Variants in SEC16B observed in about 807,000 individuals in gnomAD.
The protein encoded by SEC16B is protein transport protein Sec16B.
A neutral mutation model predicts 141.8 loss-of-function variants in SEC16B; 115 were observed. The ratio of observed to expected loss-of-function variants is 0.81; its 90% CI spans 0.70 to 0.95. The LOEUF is 0.95. Among genes scored for constraint, SEC16B ranks in the 40% least tolerant of loss-of-function variants. SEC16B has a pLI of 0.00. For synonymous variants in SEC16B, 493 were observed against 492.5 expected, an observed-to-expected ratio of 1.00 and a Z score of -0.01; for missense variants, 1,291 against 1,312.3, an observed-to-expected ratio of 0.98 and a Z score of 0.25.
chr1:177,930,223 G>A lies in SEC16B; in HGVS notation c.3112-294C>T, dbSNP rs1650313212. On this transcript the variant is annotated intron_variant, in intron 25 of 25. Coordinates refer to ENST00000308284, the MANE Select transcript of SEC16B (RefSeq NM_033127.4). Reference sequence around the variant, plus strand: ...TTTCCAATGATCCCTTCATCCCCAGGACAGAGTGACACTGCACCCACACTA... The same window carrying A: ...TTTCCAATGATCCCTTCATCCCCAGAACAGAGTGACACTGCACCCACACTA... 1.3e-5 allele frequency among the ~76,000 whole-genome samples: 2 copies of A among 152,116 alleles called. 1 individual carries two copies. Among genetic ancestry groups the A allele is most frequent in the South Asian group, 4.2e-4 (2 of 4,818 alleles).
chr1:177,942,997 A>G (rs1183204511), intron 15 of SEC16B, among the ~76,000 whole-genome samples: 3 of 152,218 alleles, frequency 2.0e-5, no homozygotes, highest in Non-Finnish European at 4.4e-5. Context: ...ATGAGGGCCG[A>G]TAGCATGTTA....
intron 15 of SEC16B, among the ~76,000 whole-genome samples, chr1:177,943,552 G>A (rs1056859275): frequency 4.6e-5 from 7 of 152,156 alleles, no homozygotes; most frequent in African/African-American, 9.7e-5. Flanking sequence ...GTGTACCCTC[G>A]ACACCAAGCA....
At chr1:177,964,744 CA>C (rs1398229270) in intron 4 of SEC16B, among the ~76,000 whole-genome samples, 7 of 152,196 alleles carry the variant, frequency 4.6e-5, no homozygotes, top group Non-Finnish European at 4.4e-5. Context: ...TTTGCTAGGC[CA>C]TATCTGTTCT....
intron 20 of SEC16B, 50 bp from the exon 21 acceptor site, chr1:177,933,686 A>G (rs762994558): frequency 1.3e-6 from 2 of 1,598,534 alleles, no homozygotes; most frequent in African/African-American, 2.7e-5. Context: ...ACAGGTTACC[A>G]AACACATTTG....
At chr1:177,932,457 G>C (rs1219620295) in intron 24 of SEC16B, 33 bp downstream of exon 24, 1 of 1,461,030 alleles carries the variant, frequency 6.8e-7, no homozygotes, top group Admixed American at 2.5e-5. Flanking sequence ...CATCTGCTGG[G>C]GTCCGAGGCT....
chr1:177,949,731 G>T (rs770793244), intron 12 of SEC16B, among the ~76,000 whole-genome samples: 1 of 152,124 alleles, frequency 6.6e-6, no homozygotes, highest in Non-Finnish European at 1.5e-5. Flanking sequence ...GATGTACATA[G>T]AGTCCAGGTT....
At chr1:177,962,363 C>T (rs1434659377) in intron 5 of SEC16B, among the ~76,000 whole-genome samples, 1 of 151,864 alleles carries the variant, frequency 6.6e-6, no homozygotes, top group Non-Finnish European at 1.5e-5. Flanking sequence ...AGCCACCATG[C>T]CTGGCCCTCC....
chr1:177,932,152 A>C (rs1259551096), intron 24 of SEC16B, among the ~76,000 whole-genome samples: 1 of 152,216 alleles, frequency 6.6e-6, no homozygotes, highest in Non-Finnish European at 1.5e-5. Context: ...TGTCCCTATA[A>C]GAGGAAGAAA....
chr1:177,977,566 T>C (rs894535963), intron 1 of SEC16B, among the ~76,000 whole-genome samples: 1 of 152,196 alleles, frequency 6.6e-6, no homozygotes, highest in African/African-American at 2.4e-5. Flanking sequence ...ACCCAGTATT[T>C]TAGAGTCCAG....
Position 177,933,307 on chromosome 1 carries a change from T to C in SEC16B, c.2730A>G (p.Ser910=). 1 of 1,600,092 alleles carries C rather than the reference T, an allele frequency of 6.2e-7. No homozygotes were observed. The highest frequency in any genetic ancestry group is 8.5e-7 in the Non-Finnish European group (1 of 1,173,094). Residue 910 remains serine, a synonymous_variant, in exon 22 of 26, where the codon TCA becomes TCG. Coordinates refer to ENST00000308284, the MANE Select transcript of SEC16B (RefSeq NM_033127.4). ...GAAACCAGCTGAACCAGCCAAACCC[T>C]GAGCTCTGGAAGGGGAAGAGGACAT... is the stretch of plus-strand genomic sequence containing the variant. ...LGDGKEHTKS[S]GFGWFSWFRS... is the part of the protein sequence containing the mutation.
At chr1:177,948,479 C>A in intron 12 of SEC16B, 2 of 1,304,044 alleles carry the variant, frequency 1.5e-6, no homozygotes, top group South Asian at 1.2e-5. Flanking sequence ...GTTCCTACTG[C>A]CACTTTAAGA....
At chr1:177,967,152 AT>A (rs1488671875) in intron 2 of SEC16B, among the ~76,000 whole-genome samples, 1 of 151,922 alleles carries the variant, frequency 6.6e-6, no homozygotes, top group Non-Finnish European at 1.5e-5. Context: ...CCTGAGGTCA[AT>A]TTTTTTTAAG....
rs1467359888 is a variant in SEC16B, at chr1:177,932,687, G to A, written c.2932+11C>T. 1 of 1,567,398 alleles carries A rather than the reference G, an allele frequency of 6.4e-7. No homozygotes were observed. Among genetic ancestry groups the A allele is most frequent in the Non-Finnish European group, 8.6e-7 (1 of 1,157,790 alleles). On this transcript the variant is annotated intron_variant, in intron 23 of 25. Transcript: ENST00000308284. ...ACCACCCATGGCCCAGAGGACGTGA[G>A]GTGACGGTACCTCTGCCCCTGGAGA...
intron 15 of SEC16B, among the ~76,000 whole-genome samples, chr1:177,942,381 CA>C (rs1172475377): frequency 6.6e-6 from 1 of 152,156 alleles, no homozygotes; most frequent in Non-Finnish European, 1.5e-5. Flanking sequence ...ACAAGACGGA[CA>C]TTAAAAGAAG....
At position 177,968,024 on chromosome 1, in the gene SEC16B, C is replaced by A; in HGVS notation, c.-43G>T. 1.3e-6 allele frequency: 2 copies of A among 1,531,520 alleles called. No homozygotes were observed. Among genetic ancestry groups the A allele is most frequent in the South Asian group, 2.5e-5 (2 of 79,612 alleles). The allele number at this position is 1,531,520 out of a possible 1,614,324, so 94.9% of individuals were successfully genotyped here. A position where few individuals can be genotyped will look rare whatever the true frequency, so the allele number is the denominator to read the frequency against. On this transcript the variant is annotated 5_prime_UTR_variant, in exon 2 of 26. Transcript: ENST00000308284. ...TGTCCTGGGTTTTGAGTAAGTTGTGCAGTTATTTTATCTTCCTGCAGACAA... is the reference window on the plus strand; with the variant it reads ...TGTCCTGGGTTTTGAGTAAGTTGTGAAGTTATTTTATCTTCCTGCAGACAA...
At position 177,929,854 on chromosome 1, in the gene SEC16B, A is replaced by G. The variant is rs199571342; in HGVS notation, c.*4T>C. 6.2e-7 allele frequency: 1 copy of G among 1,613,826 alleles called. No homozygotes were observed. Among genetic ancestry groups the G allele is most frequent in the African/African-American group, 1.3e-5 (1 of 75,032 alleles). ...GGAGATGAGCCTGGGACGTGTGTTTATTCTCAGCATGGCTGGGTGGGATAG... is the reference window on the plus strand; with the variant it reads ...GGAGATGAGCCTGGGACGTGTGTTTGTTCTCAGCATGGCTGGGTGGGATAG... On this transcript the variant is annotated 3_prime_UTR_variant, in exon 26 of 26. Coordinates refer to ENST00000308284, the MANE Select transcript of SEC16B (RefSeq NM_033127.4).
chr1:177,945,070 G>A (rs1444833124), intron 14 of SEC16B, among the ~76,000 whole-genome samples: 1 of 152,236 alleles, frequency 6.6e-6, no homozygotes, highest in Non-Finnish European at 1.5e-5. Context: ...GGCACCCCTA[G>A]TTTGAGCAAA....
intron 12 of SEC16B, chr1:177,948,511 G>A: frequency 7.7e-7 from 1 of 1,304,210 alleles, no homozygotes. Flanking sequence ...AAGCCAAGTG[G>A]CCCAGCTAGG....
chr1:177,975,594 A>C (rs563364640), intron 1 of SEC16B, among the ~76,000 whole-genome samples: 20 of 152,218 alleles, frequency 1.3e-4, no homozygotes, highest in Non-Finnish European at 2.6e-4. Context: ...CCAACAAGAC[A>C]GTGAAAGAAA....
Sources: allele counts gnomAD v4.1 joint callset (sites outside exome capture counted in the v4.1 genomes callset), GRCh38; gene constraint gnomAD v4.1.1; transcripts MANE v1.5; gene names NCBI Gene and HGNC (gene_info 2026-07-23, HGNC 2026-07-21).